KIAA1958: variants seen among roughly 807,000 people sequenced by gnomAD.
KIAA1958 encodes the protein KIAA1958.
Under a neutral mutation model 47.2 loss-of-function variants are expected in KIAA1958, and 14 were observed. The observed-to-expected ratio is 0.30, with a 90% CI of 0.20 to 0.46. The LOEUF is 0.46. KIAA1958 is among the 20% of genes least tolerant of loss of function. The pLI is 1.00. For synonymous variants in KIAA1958, 354 were observed against 353.3 expected, an observed-to-expected ratio of 1.00 and a Z score of -0.02; for missense variants, 803 against 909.2, an observed-to-expected ratio of 0.88 and a Z score of 1.50.
In KIAA1958 at chr9:112,665,911, T is replaced by TTTTTAC. The variant is rs1458188069; in HGVS notation, c.*5847_*5852dup. 2.0e-5 allele frequency: 3 copies of TTTTTAC among 152,180 alleles called. No homozygotes were observed. Among genetic ancestry groups the TTTTTAC allele is most frequent in the Non-Finnish European group, 4.4e-5 (3 of 68,026 alleles). The allele number at this position is 152,180 out of a possible 1,614,324, so 9.4% of individuals were successfully genotyped here. On this transcript the variant is annotated 3_prime_UTR_variant, in exon 4 of 4. Transcript: ENST00000337530. ...TTACGCAACAATTACATGCTCAGGT[T>TTTTTAC]TTTTACTTTTGCCATTTAATTTTGG...
chr9:112,661,559 ATTTAT>A lies in KIAA1958; in HGVS notation c.*1495_*1499del, dbSNP rs1362337522. 6.6e-6 allele frequency: 1 copy of A among 152,184 alleles called. No homozygotes were observed. Among genetic ancestry groups the A allele is most frequent in the Admixed American group, 6.5e-5 (1 of 15,278 alleles). The allele number at this position is 152,184 out of a possible 1,614,324, so 9.4% of individuals were successfully genotyped here. ...TTCTTTTTGAAAACATTATTTTAGTATTTATTTTAATTAATTGGTTTCTTAAAAAA... is the reference window on the plus strand; with the variant it reads ...TTCTTTTTGAAAACATTATTTTAGTATTTAATTAATTGGTTTCTTAAAAAA... On this transcript the variant is annotated 3_prime_UTR_variant, in exon 4 of 4. Transcript: ENST00000337530.
At chr9:112,616,800 A>T (rs1464524908) in intron 2 of KIAA1958, among the ~76,000 whole-genome samples, 1 of 151,760 alleles carries the variant, frequency 6.6e-6, no homozygotes, top group Non-Finnish European at 1.5e-5. Context: ...AACCATGTAA[A>T]TGATGTAATT....
intron 2 of KIAA1958, among the ~76,000 whole-genome samples, chr9:112,639,547 G>T (rs1362308212): frequency 1.3e-5 from 2 of 152,138 alleles, no homozygotes; most frequent in African/African-American, 4.8e-5. Context: ...TTCACACAGG[G>T]CCTCTCCCCA....
intron 3 of KIAA1958, among the ~76,000 whole-genome samples, chr9:112,647,780 G>A (rs567728784): frequency 1.3e-5 from 2 of 152,198 alleles, no homozygotes; most frequent in African/African-American, 4.8e-5. Flanking sequence ...TGAGAGGAGC[G>A]CTGTCATCTC....
intron 1 of KIAA1958, among the ~76,000 whole-genome samples, chr9:112,509,367 A>AT (rs1834286159): frequency 6.6e-6 from 1 of 151,902 alleles, no homozygotes; most frequent in Non-Finnish European, 1.5e-5. Context: ...TGCCCGGCTA[A>AT]TTTTTGTATT....
intron 1 of KIAA1958, among the ~76,000 whole-genome samples, chr9:112,569,166 T>C (rs1835487042): frequency 6.6e-6 from 1 of 152,154 alleles, no homozygotes; most frequent in Admixed American, 6.5e-5. Context: ...TACTGTTCTT[T>C]TTGAAATTCT....
intron 2 of KIAA1958, among the ~76,000 whole-genome samples, chr9:112,575,519 T>TA (rs1835630188): frequency 6.6e-6 from 1 of 152,030 alleles, no homozygotes; most frequent in Admixed American, 6.6e-5. Context: ...TTAAGGTTGA[T>TA]ACCTGTCAGC....
intron 1 of KIAA1958, among the ~76,000 whole-genome samples, chr9:112,519,309 A>G (rs991750456): frequency 6.6e-6 from 1 of 152,116 alleles, no homozygotes. Flanking sequence ...TGCTATTATC[A>G]TACTTATATG....
chr9:112,499,936 C>G (rs904020925), intron 1 of KIAA1958, among the ~76,000 whole-genome samples: 2 of 151,934 alleles, frequency 1.3e-5, no homozygotes, highest in African/African-American at 4.8e-5. Context: ...GATCCACCCA[C>G]CTCGGCCTCC....
At chr9:112,487,810 G>T (rs1833889432) in intron 1 of KIAA1958, among the ~76,000 whole-genome samples, 1 of 151,452 alleles carries the variant, frequency 6.6e-6, no homozygotes, top group South Asian at 2.1e-4. Context: ...AGGTTGGACT[G>T]AACAACGTCA....
intron 1 of KIAA1958, among the ~76,000 whole-genome samples, chr9:112,509,551 A>G (rs914857048): frequency 2.0e-5 from 3 of 152,204 alleles, no homozygotes; most frequent in African/African-American, 7.2e-5. Context: ...CAAGATGAGG[A>G]CATTCATTAT....
intron 2 of KIAA1958, among the ~76,000 whole-genome samples, chr9:112,603,122 G>T (rs541113206): frequency 6.6e-6 from 1 of 152,232 alleles, no homozygotes; most frequent in African/African-American, 2.4e-5. Context: ...ACAAAGAGAT[G>T]TATGGAAGAA....
rs969907494 is a variant in KIAA1958 at position 112,559,092 on chromosome 9, C to T, written c.-24-14965C>T. Among the ~76,000 whole-genome samples, 15 of 152,132 alleles carry T rather than the reference C, an allele frequency of 9.9e-5. 1 individual carries two copies. In the South Asian group the frequency reaches 1.5e-3, roughly 15 times the overall value. On this transcript the variant is annotated intron_variant, in intron 1 of 3. Coordinates refer to ENST00000337530, the MANE Select transcript of KIAA1958 (RefSeq NM_133465.4). ...AAAACATAGTAGTTTTGAAAACCAG[C>T]GACCAGGGATGAGTTCTTGGAATTG...
intron 2 of KIAA1958, among the ~76,000 whole-genome samples, chr9:112,614,379 T>G (rs916884444): frequency 5.9e-5 from 9 of 152,166 alleles, no homozygotes; most frequent in African/African-American, 2.2e-4. Context: ...TCACATGCAC[T>G]TAATGACTAG....
intron 2 of KIAA1958, among the ~76,000 whole-genome samples, chr9:112,625,655 A>G (rs1836598165): frequency 6.6e-6 from 1 of 152,190 alleles, no homozygotes; most frequent in African/African-American, 2.4e-5. Context: ...CCAAATTTTA[A>G]TTGTTTTTAA....
At position 112,610,485 on chromosome 9, in the gene KIAA1958, T is replaced by C. The variant is rs1008874102; in HGVS notation, c.1172-35165T>C. ...AGAGATTAAGAAGAGGAAGCATAGATATAGAAGACAATAAATGAAAATGAG... is the reference window on the plus strand; with the variant it reads ...AGAGATTAAGAAGAGGAAGCATAGACATAGAAGACAATAAATGAAAATGAG... On this transcript the variant is annotated intron_variant, in intron 2 of 3. Coordinates refer to ENST00000337530, the MANE Select transcript of KIAA1958 (RefSeq NM_133465.4). 7.2e-5 allele frequency among the ~76,000 whole-genome samples: 11 copies of C among 152,112 alleles called. No individual in the cohort carries two copies. In the East Asian group the frequency reaches 1.9e-3, roughly 27 times the overall value.
Position 112,659,331 on chromosome 9 carries a change from G to A in KIAA1958, c.1413G>A (p.Ser471=), listed in dbSNP as rs781526481. 1.4e-5 allele frequency: 22 copies of A among 1,613,902 alleles called. No individual in the cohort carries two copies. The highest frequency in any genetic ancestry group is 4.0e-5 in the African/African-American group (3 of 74,890). Residue 471 remains serine (S), a synonymous_variant, in exon 4 of 4, where the codon TCG becomes TCA. Coordinates refer to ENST00000337530, the MANE Select transcript of KIAA1958 (RefSeq NM_133465.4). ...TCACCGTCAAGAAGAGCGACGGCTC[G>A]GACTTCCTGGCCACCTCGCTCCATG... ...FYVTVKKSDG[S]DFLATSLHAI... is the part of the protein sequence containing the mutation.
intron 2 of KIAA1958, among the ~76,000 whole-genome samples, chr9:112,586,560 A>G (rs1280417508): frequency 6.6e-6 from 1 of 152,192 alleles, no homozygotes; most frequent in Non-Finnish European, 1.5e-5. Flanking sequence ...ACAAAAAAAA[A>G]TCTTCCCAAT....
intron 2 of KIAA1958, among the ~76,000 whole-genome samples, chr9:112,645,158 C>T (rs1268122078): frequency 6.6e-6 from 1 of 151,048 alleles, no homozygotes; most frequent in Non-Finnish European, 1.5e-5. Context: ...AAAATGCTAA[C>T]ACCATTTAAT....
Sources: allele counts gnomAD v4.1 joint callset (sites outside exome capture counted in the v4.1 genomes callset), GRCh38; gene constraint gnomAD v4.1.1; transcripts MANE v1.5; gene names NCBI Gene and HGNC (gene_info 2026-07-23, HGNC 2026-07-21).